Variants in NAALADL2 observed in about 807,000 individuals in gnomAD.
The protein encoded by NAALADL2 is N-acetylated alpha-linked acidic dipeptidase like 2.
In NAALADL2, 76 loss-of-function variants were observed where a neutral mutation model predicts 87.2. The ratio of observed to expected loss-of-function variants is 0.87; its 90% CI spans 0.72 to 1.05. The LOEUF (loss-of-function observed/expected upper bound fraction) is 1.05, where lower values mean the gene tolerates loss of function less well. NAALADL2 is among the 50% of genes least tolerant of loss of function. The pLI, the probability that NAALADL2 is intolerant of heterozygous loss-of-function variation, is 0.00. For missense variants in NAALADL2, 1,089 were observed against 945.8 expected (o/e 1.15, Z -1.99); for synonymous variants, 354 against 331.0 (o/e 1.07, Z -0.75).
At chr3:174,555,081 T>G (rs543192179) in intron 2 of NAALADL2, among the ~76,000 whole-genome samples, 3 of 152,202 alleles carry the variant, frequency 2.0e-5, no homozygotes, top group Admixed American at 1.3e-4. Context: ...TTATTATTGT[T>G]GCACTGGAGA....
intron 2 of NAALADL2, among the ~76,000 whole-genome samples, chr3:174,555,760 A>C (rs1336700987): frequency 6.6e-6 from 1 of 152,146 alleles, no homozygotes; most frequent in Non-Finnish European, 1.5e-5. Flanking sequence ...ATAGGGGATG[A>C]CTTCTCTAGA....
At chr3:175,264,679 G>C (rs1751631735) in intron 4 of NAALADL2, among the ~76,000 whole-genome samples, 1 of 151,548 alleles carries the variant, frequency 6.6e-6, no homozygotes, top group African/African-American at 2.4e-5. Flanking sequence ...AATATAACTT[G>C]ACTTTAAATT....
At chr3:175,523,352 T>C (rs1016614490) in intron 9 of NAALADL2, among the ~76,000 whole-genome samples, 2 of 152,202 alleles carry the variant, frequency 1.3e-5, no homozygotes, top group Admixed American at 6.5e-5. Context: ...CTTTATAATG[T>C]CATTACTAAT....
intron 1 of NAALADL2, among the ~76,000 whole-genome samples, chr3:174,961,428 GTAAGT>G (rs1295925288): frequency 6.6e-6 from 1 of 152,018 alleles, no homozygotes; most frequent in African/African-American, 2.4e-5. Context: ...TCTGAAAATA[GTAAGT>G]TAATAATTTG....
At chr3:174,605,703 C>T (rs1044896417) in intron 2 of NAALADL2, among the ~76,000 whole-genome samples, 11 of 152,120 alleles carry the variant, frequency 7.2e-5, no homozygotes, top group Admixed American at 6.5e-5. Flanking sequence ...TCAAGGAGGC[C>T]TGCCTGCCTC....
chr3:174,597,307 A>T (rs1718013280), intron 2 of NAALADL2, among the ~76,000 whole-genome samples: 1 of 152,202 alleles, frequency 6.6e-6, no homozygotes, highest in Non-Finnish European at 1.5e-5. Flanking sequence ...TTGTAGGATG[A>T]TCACATAGGT....
chr3:174,798,723 T>G (rs1442089278), intron 3 of NAALADL2, among the ~76,000 whole-genome samples: 1 of 152,172 alleles, frequency 6.6e-6, no homozygotes, highest in African/African-American at 2.4e-5. Flanking sequence ...AAGTTGATTT[T>G]TTAGTGATAT....
intron 10 of NAALADL2, among the ~76,000 whole-genome samples, chr3:175,587,366 TCA>T (rs1230828994): frequency 2.0e-5 from 3 of 152,198 alleles, no homozygotes; most frequent in Admixed American, 2.0e-4. Context: ...AACAGTATTT[TCA>T]GTTTTTTAGT....
chr3:174,896,576 A>T (rs1452998831), intron 1 of NAALADL2, among the ~76,000 whole-genome samples: 1 of 152,188 alleles, frequency 6.6e-6, no homozygotes, highest in African/African-American at 2.4e-5. Flanking sequence ...CAATATTGTT[A>T]AAGTGTCCAT....
intron 1 of NAALADL2, among the ~76,000 whole-genome samples, chr3:174,499,327 T>A (rs1718741805): frequency 6.6e-6 from 1 of 152,084 alleles, no homozygotes; most frequent in African/African-American, 2.4e-5. Flanking sequence ...TGGATACAAG[T>A]TATCAGATAC....
chr3:175,776,064 T>C (rs73051410), intron 13 of NAALADL2, among the ~76,000 whole-genome samples: 364 of 152,136 alleles, frequency 2.4e-3, no homozygotes, highest in African/African-American at 8.5e-3. Context: ...CTTGCCTCCT[T>C]CTTCTCCTAC....
At chr3:174,863,812 G>T (rs995090712) in intron 1 of NAALADL2, 2 of 281,266 alleles carry the variant, frequency 7.1e-6, no homozygotes, top group African/African-American at 4.6e-5. Context: ...TTCCTTCCCA[G>T]CCTACAGAAC....
At chr3:175,144,442 T>G (rs1263477057) in intron 2 of NAALADL2, among the ~76,000 whole-genome samples, 1 of 151,940 alleles carries the variant, frequency 6.6e-6, no homozygotes, top group East Asian at 1.9e-4. Flanking sequence ...TTAAGTTGAG[T>G]TTTGTGTTTA....
intron 1 of NAALADL2, among the ~76,000 whole-genome samples, chr3:174,926,640 C>T (rs1438282385): frequency 6.6e-6 from 1 of 152,090 alleles, no homozygotes; most frequent in African/African-American, 2.4e-5. Flanking sequence ...AAATACTTTA[C>T]AGACAAGCAA....
At chr3:175,739,420 C>G (rs1744955367) in intron 12 of NAALADL2, among the ~76,000 whole-genome samples, 1 of 152,178 alleles carries the variant, frequency 6.6e-6, no homozygotes, top group East Asian at 1.9e-4. Context: ...ATTATAACCA[C>G]TATATAAACA....
intron 11 of NAALADL2, among the ~76,000 whole-genome samples, chr3:175,687,472 A>G (rs892759543): frequency 2.0e-5 from 3 of 152,182 alleles, no homozygotes; most frequent in African/African-American, 7.2e-5. Flanking sequence ...AGCAGTTTAC[A>G]TAACAGCCGC....
chr3:174,909,918 C>T lies in NAALADL2; in HGVS notation c.43+50468C>T, dbSNP rs138553610. Among the ~76,000 whole-genome samples the T allele has an allele frequency of 3.8e-3, 577 of 152,068 alleles. 3 individuals are homozygous for T. Among genetic ancestry groups the T allele is most frequent in the Non-Finnish European group, 6.3e-3 (431 of 67,994 alleles). Reference sequence around the variant, plus strand: ...AACATTTGGTTAATATATTTAACTACACAAGTTAAGTATTAGAAGATATTT... The same window carrying T: ...AACATTTGGTTAATATATTTAACTATACAAGTTAAGTATTAGAAGATATTT... On this transcript the variant is annotated intron_variant, in intron 1 of 13. Coordinates refer to ENST00000454872, the MANE Select transcript of NAALADL2 (RefSeq NM_207015.3).
chr3:174,763,557 A>C (rs1200201076), intron 3 of NAALADL2, among the ~76,000 whole-genome samples: 1 of 131,668 alleles, frequency 7.6e-6, no homozygotes, highest in Non-Finnish European at 1.6e-5. Flanking sequence ...ACTGCACTCC[A>C]TCCTGGGCTA....
intron 1 of NAALADL2, among the ~76,000 whole-genome samples, chr3:175,049,527 G>T (rs562812117): frequency 3.3e-5 from 5 of 152,296 alleles, no homozygotes; most frequent in African/African-American, 1.2e-4. Context: ...CAATGCTATC[G>T]TCAGGACTCC....
Sources: gnomAD v4.1 joint callset for allele counts (sites outside exome capture counted in the v4.1 genomes callset) on GRCh38, gnomAD v4.1.1 for gene constraint, MANE v1.5 for transcripts, NCBI Gene and HGNC (gene_info 2026-07-23, HGNC 2026-07-21) for gene names.